BCAM: variants seen among roughly 807,000 people sequenced by gnomAD.
The protein encoded by BCAM is basal cell adhesion molecule (Lutheran blood group).
A neutral mutation model predicts 72.4 loss-of-function variants in BCAM; 61 were observed. The observed-to-expected ratio is 0.84, with a 90% CI of 0.69 to 1.04. BCAM has a LOEUF of 1.04. BCAM is among the 50% of genes least tolerant of loss of function. The pLI is 0.00. For missense variants in BCAM, 909 were observed against 895.0 expected, an observed-to-expected ratio of 1.02 and a Z score of -0.20; for synonymous variants, 408 against 384.2, an observed-to-expected ratio of 1.06 and a Z score of -0.73.
At chr19:44,820,669 A>C in intron 13 of BCAM, 36 bp from the exon 14 acceptor site, 1 of 1,292,476 alleles carries the variant, frequency 7.7e-7, no homozygotes, top group South Asian at 2.0e-5. Flanking sequence ...GTGCACCTCC[A>C]ACACGACGCC....
At position 44,821,007 on chromosome 19, in the gene BCAM, C is replaced by T; in HGVS notation, c.*86C>T. On this transcript the variant is annotated 3_prime_UTR_variant, in exon 15 of 15. Coordinates refer to ENST00000270233, the MANE Select transcript of BCAM (RefSeq NM_005581.5). Reference sequence around the variant, plus strand: ...CTGCTCACGCCATGCCCGCCCCCGCCTTCCCTCTTCCCTCTTCCCTCTCCC... The same window carrying T: ...CTGCTCACGCCATGCCCGCCCCCGCTTTCCCTCTTCCCTCTTCCCTCTCCC... 1 of 1,374,012 alleles carries T rather than the reference C, an allele frequency of 7.3e-7. No individual in the cohort carries two copies. The highest frequency in any genetic ancestry group is 9.6e-7 in the Non-Finnish European group (1 of 1,045,402). The allele number at this position is 1,374,012 out of a possible 1,614,324, so 85.1% of individuals were successfully genotyped here.
chr19:44,813,454 C>G lies in BCAM; in HGVS notation c.618C>G (p.Ser206Arg), dbSNP rs765089943. 6.8e-6 allele frequency: 11 copies of G among 1,611,116 alleles called. No individual in the cohort carries two copies. The highest frequency in any genetic ancestry group is 9.3e-6 in the Non-Finnish European group (11 of 1,179,574). ...CTCTCCCAGAGGGCTACATGACCAG[C>G]CGCACGGTCCGGGAGGCCTCGGGCC... ...VEMNPEGYMT[S>R]RTVREASGLL... Residue 206 changes from serine to arginine, a missense_variant, in exon 6 of 15, where the codon AGC becomes AGG. Coordinates refer to ENST00000270233, the MANE Select transcript of BCAM (RefSeq NM_005581.5). The surrounding 1 kb of genome is among the most constrained non-coding windows in gnomAD (Gnocchi z 4.2).
chr19:44,810,340 A>T (rs1599882607), intron 1 of BCAM, among the ~76,000 whole-genome samples: 1 of 152,060 alleles, frequency 6.6e-6, no homozygotes. Context: ...TATCAAACTG[A>T]GGGGGGCCAA....
chr19:44,817,093 T>C (rs189713548), intron 8 of BCAM, among the ~76,000 whole-genome samples: 4,369 of 151,250 alleles, frequency 0.029, 84 homozygotes, highest in African/African-American at 0.043. Flanking sequence ...AAAAATTAGC[T>C]GGGCGTGGTG....
intron 1 of BCAM, 59 bp downstream of exon 1, chr19:44,809,265 A>G: frequency 7.5e-7 from 1 of 1,329,900 alleles, no homozygotes; most frequent in Admixed American, 3.6e-5. Context: ...GACCCCGGGA[A>G]AGCGAGGAGA....
intron 8 of BCAM, among the ~76,000 whole-genome samples, chr19:44,817,310 G>T (rs1968515508): frequency 6.6e-6 from 1 of 152,174 alleles, no homozygotes; most frequent in Non-Finnish European, 1.5e-5. Context: ...AAGTGCAAAG[G>T]CCCTGAGGCA....
chr19:44,818,662 G>A lies in BCAM; in HGVS notation c.1194+25G>A. On this transcript the variant is annotated intron_variant, in intron 9 of 14. Coordinates refer to ENST00000270233, the MANE Select transcript of BCAM (RefSeq NM_005581.5). The surrounding 1 kb of genome is among the most constrained non-coding windows in gnomAD (Gnocchi z 4.6). The stretch of plus-strand genomic sequence containing the variant: ...GGTGAGAGGGAGAGGAGCCCCCTCG[G>A]GCCCTGCACTCGCACCCTCCTCTCT... The A allele has an allele frequency of 6.2e-7, 1 of 1,611,908 alleles. No individual in the cohort carries two copies. Among genetic ancestry groups the A allele is most frequent in the South Asian group, 1.1e-5 (1 of 90,974 alleles).
chr19:44,821,030 C>G lies in BCAM; in HGVS notation c.*109C>G. 1 of 1,322,482 alleles carries G rather than the reference C, an allele frequency of 7.6e-7. No homozygotes were observed. Among genetic ancestry groups the G allele is most frequent in the Non-Finnish European group, 9.9e-7 (1 of 1,013,096 alleles). The allele number at this position is 1,322,482 out of a possible 1,614,324, so 81.9% of individuals were successfully genotyped here. On this transcript the variant is annotated 3_prime_UTR_variant, in exon 15 of 15. Coordinates refer to ENST00000270233, the MANE Select transcript of BCAM (RefSeq NM_005581.5). ...GCCTTCCCTCTTCCCTCTTCCCTCT[C>G]CCTGCCCAGCCCTCCCTTCCTTCCT...
Position 44,813,283 on chromosome 19 carries a change from G to A in BCAM, c.538G>A (p.Ala180Thr), listed in dbSNP as rs762226358. The change falls in exon 5 of 15, where the codon GCC becomes ACC. Residue 180 changes from alanine to threonine, a missense_variant. Transcript: ENST00000270233. This position sits in a 1 kb window ranked among gnomAD's most constrained non-coding sequence, Gnocchi z 4.2. ...ATCNSRNGNP[A>T]PKITWYRNGQ... is the part of the protein sequence containing the mutation. ...CTGCAACAGCCGGAACGGGAACCCG[G>A]CCCCCAAGATCACGTGGTATCGCAA... The A allele has an allele frequency of 6.2e-7, 1 of 1,614,124 alleles. No individual in the cohort carries two copies. Among genetic ancestry groups the A allele is most frequent in the Non-Finnish European group, 8.5e-7 (1 of 1,180,022 alleles).
In BCAM at chr19:44,811,328, T is replaced by C; in HGVS notation, c.186T>C (p.Tyr62=). The C allele has an allele frequency of 7.4e-6, 12 of 1,612,910 alleles. No homozygotes were observed. The highest frequency in any genetic ancestry group is 1.0e-5 in the Non-Finnish European group (12 of 1,179,392). ...DCTPTGTHDH[Y]MLEWFLTDRS... ...CCCCTACGGGAACCCACGACCATTA[T>C]ATGCTGGAATGGTTCCTTGTGAGTG... is the stretch of plus-strand genomic sequence containing the variant. Residue 62 remains tyrosine, a synonymous_variant, in exon 2 of 15, where the codon TAT becomes TAC. Coordinates refer to ENST00000270233, the MANE Select transcript of BCAM (RefSeq NM_005581.5).
rs202025760 is a variant in BCAM at position 44,813,481 on chromosome 19, G to A, written c.645G>A (p.Leu215=). ...TSRTVREASG[L]LSLTSTLYLR... ...GCACGGTCCGGGAGGCCTCGGGCCTGCTCTCCCTCACCAGCACCCTCTACC... is the reference window on the plus strand; with the variant it reads ...GCACGGTCCGGGAGGCCTCGGGCCTACTCTCCCTCACCAGCACCCTCTACC... The change falls in exon 6 of 15, where the codon CTG becomes CTA. Residue 215 remains leucine (L), a synonymous_variant. Coordinates refer to ENST00000270233, the MANE Select transcript of BCAM (RefSeq NM_005581.5). This position sits in a 1 kb window ranked among gnomAD's most constrained non-coding sequence, Gnocchi z 4.2. 3 of 1,612,236 alleles carry A rather than the reference G, an allele frequency of 1.9e-6. No homozygotes were observed. Among genetic ancestry groups the A allele is most frequent in the African/African-American group, 1.3e-5 (1 of 75,040 alleles).
chr19:44,809,098 G>C (rs919472265), upstream of BCAM: 2 of 1,405,776 alleles, frequency 1.4e-6, no homozygotes, highest in South Asian at 2.9e-5. Context: ...CTGCAGCCCG[G>C]GCTCAGTCTC....
Position 44,821,006 on chromosome 19 carries a change from CCTTCCCT to C in BCAM, c.*102_*108del, listed in dbSNP as rs573959550. On this transcript the variant is annotated 3_prime_UTR_variant, in exon 15 of 15. Transcript: ENST00000270233. ...CCTGCTCACGCCATGCCCGCCCCCG[CCTTCCCT>C]CTTCCCTCTTCCCTCTCCCTGCCCA... 3.1e-4 allele frequency: 447 copies of C among 1,427,494 alleles called. 1 individual carries two copies. In the Middle Eastern group the frequency reaches 5.6e-3, roughly 18 times the overall value. 88.4% of individuals were successfully genotyped at this position (1,427,494 alleles called of 1,614,324 possible).
chr19:44,812,681 G>A lies in BCAM; in HGVS notation c.504+133G>A. On this transcript the variant is annotated intron_variant, in intron 4 of 14. Transcript: ENST00000270233. The surrounding 1 kb of genome is among the most constrained non-coding windows in gnomAD (Gnocchi z 5.3). ...GAGGAGGGGTAAGGCCAGGCGAGGTGGCTCATGCCTGTAATCCCAGCATTT... is the reference window on the plus strand; with the variant it reads ...GAGGAGGGGTAAGGCCAGGCGAGGTAGCTCATGCCTGTAATCCCAGCATTT... 1 of 1,035,712 alleles carries A rather than the reference G, an allele frequency of 9.7e-7. No individual in the cohort carries two copies. 64.2% of individuals were successfully genotyped at this position (1,035,712 alleles called of 1,614,324 possible). A position where few individuals can be genotyped will look rare whatever the true frequency, so the allele number is the denominator to read the frequency against.
rs1341149537 is a variant in BCAM, at chr19:44,812,446, A to C, written c.434-32A>C. The C allele has an allele frequency of 1.2e-6, 2 of 1,614,076 alleles. No homozygotes were observed. The highest frequency in any genetic ancestry group is 2.2e-5 in the East Asian group (1 of 44,906). On this transcript the variant is annotated intron_variant, in intron 3 of 14. Coordinates refer to ENST00000270233, the MANE Select transcript of BCAM (RefSeq NM_005581.5). This position sits in a 1 kb window ranked among gnomAD's most constrained non-coding sequence, Gnocchi z 5.3. ...AGGCAGGCAGGGAGGGGCGCAGGGC[A>C]GGGGCTCCTGACGTGAACGTCTTTT... is the stretch of plus-strand genomic sequence containing the variant.
chr19:44,818,633 C>T lies in BCAM; in HGVS notation c.1190C>T (p.Thr397Ile), dbSNP rs1968532940. 1 of 1,613,360 alleles carries T rather than the reference C, an allele frequency of 6.2e-7. No individual in the cohort carries two copies. Among genetic ancestry groups the T allele is most frequent in the Non-Finnish European group, 8.5e-7 (1 of 1,179,560 alleles). ...HGLPTPALRW[T>I]KDSTPLGDGP... ...CTGCCCACCCCTGCCCTACGCTGGACCAAGGTGAGAGGGAGAGGAGCCCCC... is the reference window on the plus strand; with the variant it reads ...CTGCCCACCCCTGCCCTACGCTGGATCAAGGTGAGAGGGAGAGGAGCCCCC... Residue 397 changes from threonine to isoleucine, a missense_variant, in exon 9 of 15, where the codon ACC (threonine) becomes ATC (isoleucine). Thr to Ile is a moderately conservative substitution (Grantham distance 89). Transcript: ENST00000270233. This position sits in a 1 kb window ranked among gnomAD's most constrained non-coding sequence, Gnocchi z 4.6.
At chr19:44,815,153 C>T (rs1968488214) in intron 8 of BCAM, among the ~76,000 whole-genome samples, 1 of 152,054 alleles carries the variant, frequency 6.6e-6, no homozygotes, top group African/African-American at 2.4e-5. Context: ...TCAAGGTCCA[C>T]CTGGCCAGTT....
chr19:44,814,705 T>G lies in BCAM; in HGVS notation c.1023T>G (p.Asp341Glu). Residue 341 changes from aspartate to glutamate, a missense_variant, in exon 8 of 15, where the codon GAT becomes GAG. Physicochemically the swap from Asp to Glu is conservative, Grantham distance 45. Transcript: ENST00000270233. The surrounding 1 kb of genome is among the most constrained non-coding windows in gnomAD (Gnocchi z 4.6). ...GGACCTATGGCTGCAGAGTGGAGGA[T>G]TACGACGCGGCAGATGACGTGCAGC... ...QSGTYGCRVE[D>E]YDAADDVQLS... 1 of 1,613,780 alleles carries G rather than the reference T, an allele frequency of 6.2e-7. No individual in the cohort carries two copies. Among genetic ancestry groups the G allele is most frequent in the Non-Finnish European group, 8.5e-7 (1 of 1,179,964 alleles).
chr19:44,814,572 C>G lies in BCAM; in HGVS notation c.922-32C>G. ...TGAGCCCGCTGAACCGGGGTGGCTTCTGAGCCTGGTTCCTCGTCCCCCGTC... is the reference window on the plus strand; with the variant it reads ...TGAGCCCGCTGAACCGGGGTGGCTTGTGAGCCTGGTTCCTCGTCCCCCGTC... On this transcript the variant is annotated intron_variant, in intron 7 of 14. Coordinates refer to ENST00000270233, the MANE Select transcript of BCAM (RefSeq NM_005581.5). This position sits in a 1 kb window ranked among gnomAD's most constrained non-coding sequence, Gnocchi z 4.6. The G allele has an allele frequency of 6.2e-7, 1 of 1,603,302 alleles. No individual in the cohort carries two copies. The highest frequency in any genetic ancestry group is 1.3e-5 in the African/African-American group (1 of 74,902).
Sources: allele counts gnomAD v4.1 joint callset (sites outside exome capture counted in the v4.1 genomes callset), GRCh38; gene constraint gnomAD v4.1.1; non-coding constraint Gnocchi (gnomAD v3.1); transcripts MANE v1.5; gene names NCBI Gene and HGNC (gene_info 2026-07-23, HGNC 2026-07-21).